Variants in CNR2 observed in about 807,000 individuals in gnomAD.
The protein encoded by CNR2 is cannabinoid receptor 2 (macrophage).
For missense variants in CNR2, 379 were observed against 439.9 expected, an observed-to-expected ratio of 0.86 and a Z score of 1.24; for synonymous variants, 172 against 182.2, an observed-to-expected ratio of 0.94 and a Z score of 0.45.
chr1:23,872,404 A>C lies in CNR2; in HGVS notation c.*2131T>G, dbSNP rs965847659. 9 of 152,092 alleles carry C rather than the reference A, an allele frequency of 5.9e-5. No individual in the cohort carries two copies. Among genetic ancestry groups the C allele is most frequent in the Non-Finnish European group, 1.2e-4 (8 of 68,030 alleles). The allele number at this position is 152,092 out of a possible 1,614,324, so 9.4% of individuals were successfully genotyped here. A position where few individuals can be genotyped will look rare whatever the true frequency, so the allele number is the denominator to read the frequency against. ...TTTGTGAAATTTATTACAGGAGATTAATACGGGGCCATTTAATAAAATGGA... is the reference window on the plus strand; with the variant it reads ...TTTGTGAAATTTATTACAGGAGATTCATACGGGGCCATTTAATAAAATGGA... On this transcript the variant is annotated 3_prime_UTR_variant, in exon 2 of 2. Transcript: ENST00000374472.
At position 23,874,995 on chromosome 1, in the gene CNR2, G is replaced by T. The variant is rs1169817581; in HGVS notation, c.623C>A (p.Thr208Asn). ...IAFLFSGIIY[T>N]YGHVLWKAHQ... ...GGCCTTCCAGAGAACATGCCCATAG[G>T]TGTAGATGATTCCGGAAAAGAGGAA... Residue 208 changes from threonine to asparagine, a missense_variant, in exon 2 of 2, where the codon ACC becomes AAC. Thr to Asn is a moderately conservative substitution (Grantham distance 65, BLOSUM62 0). Transcript: ENST00000374472. 6.2e-7 allele frequency: 1 copy of T among 1,610,274 alleles called. No homozygotes were observed.
intron 1 of CNR2, among the ~76,000 whole-genome samples, chr1:23,881,841 A>G (rs1405870335): frequency 2.6e-5 from 4 of 151,024 alleles, no homozygotes; most frequent in Non-Finnish European, 5.9e-5. Context: ...CGGTGAGCCA[A>G]GATCGTGCCA....
intron 1 of CNR2, among the ~76,000 whole-genome samples, chr1:23,890,177 T>C (rs1048551594): frequency 6.7e-6 from 1 of 148,376 alleles, no homozygotes; most frequent in Non-Finnish European, 1.5e-5. Context: ...GAGAATCACT[T>C]GAGCCCAGGA....
chr1:23,889,515 T>C (rs897368771), intron 1 of CNR2, among the ~76,000 whole-genome samples: 28 of 152,028 alleles, frequency 1.8e-4, no homozygotes, highest in African/African-American at 6.3e-4. Flanking sequence ...ATATAGATAG[T>C]GTCTTGCTAT....
intron 1 of CNR2, among the ~76,000 whole-genome samples, chr1:23,900,731 C>T (rs938212886): frequency 5.4e-4 from 82 of 152,228 alleles, no homozygotes; most frequent in African/African-American, 1.9e-3. Context: ...GTCTTGAACT[C>T]CCAACCTCAG....
At chr1:23,904,297 C>T (rs1333337261) in intron 1 of CNR2, among the ~76,000 whole-genome samples, 11 of 151,784 alleles carry the variant, frequency 7.2e-5, no homozygotes, top group Admixed American at 5.3e-4. Flanking sequence ...CTCAGCCTCC[C>T]GAGTAGCTTG....
chr1:23,880,778 G>A (rs946312480), intron 1 of CNR2, among the ~76,000 whole-genome samples: 1 of 150,850 alleles, frequency 6.6e-6, no homozygotes, highest in Non-Finnish European at 1.5e-5. Flanking sequence ...CACCATGTTG[G>A]CCAGGCTGGT....
chr1:23,898,503 G>A (rs1217909705), intron 1 of CNR2, among the ~76,000 whole-genome samples: 5 of 146,536 alleles, frequency 3.4e-5, no homozygotes, highest in Non-Finnish European at 7.5e-5. Context: ...CACCACGCCC[G>A]GCTAATTTTT....
At chr1:23,877,918 A>G (rs1179733382) in intron 1 of CNR2, among the ~76,000 whole-genome samples, 1 of 151,670 alleles carries the variant, frequency 6.6e-6, no homozygotes, top group African/African-American at 2.4e-5. Context: ...CTGAGATCGC[A>G]CCACTGCACA....
At chr1:23,903,104 AC>A (rs1300875057) in intron 1 of CNR2, among the ~76,000 whole-genome samples, 67 of 148,002 alleles carry the variant, frequency 4.5e-4, no homozygotes, top group African/African-American at 1.7e-3. Flanking sequence ...CGGCGCTGCG[AC>A]CCGCGGGGCT....
Position 23,875,048 on chromosome 1 carries a change from G to C in CNR2, c.570C>G (p.Tyr190Ter). 1 of 1,606,330 alleles carries C rather than the reference G, an allele frequency of 6.2e-7. No individual in the cohort carries two copies. The highest frequency in any genetic ancestry group is 8.5e-7 in the Non-Finnish European group (1 of 1,176,462). Residue 190 changes from tyrosine (Y) to a stop codon, truncating the protein, a stop_gained, in exon 2 of 2, where the codon TAC (tyrosine) becomes TAG (stop). Coordinates refer to ENST00000374472, the MANE Select transcript of CNR2 (RefSeq NM_001841.3). LOFTEE classifies it low-confidence loss of function (END_TRUNC). ...SELFPLIPND[Y>*]LLSWLLFIAF... Reference sequence around the variant, plus strand: ...CGATGAACAGGAGCCAGCTCAGCAGGTAGTCATTGGGGATCAGTGGGAAAA... The same window carrying C: ...CGATGAACAGGAGCCAGCTCAGCAGCTAGTCATTGGGGATCAGTGGGAAAA...
At chr1:23,891,416 C>T (rs542388877) in intron 1 of CNR2, among the ~76,000 whole-genome samples, 3 of 151,582 alleles carry the variant, frequency 2.0e-5, no homozygotes, top group Non-Finnish European at 4.4e-5. Context: ...TTCAGGAGTT[C>T]GAGACCAGCC....
chr1:23,902,162 C>G, intron 1 of CNR2: 1 of 1,411,054 alleles, frequency 7.1e-7, no homozygotes, highest in South Asian at 1.2e-5. Context: ...CTCTTGCACT[C>G]TGCCTTGGCC....
chr1:23,902,612 G>A, intron 1 of CNR2: 2 of 1,603,232 alleles, frequency 1.2e-6, no homozygotes, highest in Non-Finnish European at 1.7e-6. Context: ...AGACGGAGCT[G>A]CAGACAGCCA....
chr1:23,884,903 C>T (rs1290516814), intron 1 of CNR2, among the ~76,000 whole-genome samples: 2 of 152,010 alleles, frequency 1.3e-5, no homozygotes, highest in East Asian at 1.9e-4. Context: ...CGAGTTCAAG[C>T]GGTTCTCCGG....
chr1:23,898,335 C>CTTTTTT (rs557452268), intron 1 of CNR2, among the ~76,000 whole-genome samples: 1 of 108,198 alleles, frequency 9.2e-6, no homozygotes, highest in Non-Finnish European at 1.8e-5. Flanking sequence ...CCGCGCCCGG[C>CTTTTTT]TTTTTTTTTT....
chr1:23,911,137 T>C (rs1640576505), intron 1 of CNR2, among the ~76,000 whole-genome samples: 1 of 117,576 alleles, frequency 8.5e-6, no homozygotes, highest in African/African-American at 3.3e-5. Flanking sequence ...CTGAGCGCAG[T>C]GAGAAGGTTA....
chr1:23,898,567 C>G (rs11488705), intron 1 of CNR2, among the ~76,000 whole-genome samples: 2 of 140,794 alleles, frequency 1.4e-5, no homozygotes, highest in African/African-American at 5.4e-5. Context: ...GGTCTCGATC[C>G]CCTGACCTTG....
At chr1:23,898,395 G>A (rs1331113046) in intron 1 of CNR2, among the ~76,000 whole-genome samples, 2 of 136,466 alleles carry the variant, frequency 1.5e-5, no homozygotes, top group Middle Eastern at 3.8e-3. Context: ...AGGCTGGAGT[G>A]CAGTGGTATG....
Sources: gnomAD v4.1 joint callset for allele counts (sites outside exome capture counted in the v4.1 genomes callset) on GRCh38, gnomAD v4.1.1 for gene constraint, MANE v1.5 for transcripts, NCBI Gene and HGNC (gene_info 2026-07-23, HGNC 2026-07-21) for gene names.